Variants in MAGI2 observed in about 807,000 individuals in gnomAD.
MAGI2 encodes membrane associated guanylate kinase, WW and PDZ domain containing 2.
In MAGI2, 35 loss-of-function variants were observed where a neutral mutation model predicts 133.3. That is an observed-to-expected ratio of 0.26 (90% CI 0.20 to 0.35). MAGI2 has a LOEUF of 0.35. MAGI2 is among the 10% of genes least tolerant of loss of function. MAGI2 has a pLI of 1.00. For synonymous variants in MAGI2, 729 were observed against 710.6 expected (o/e 1.03, Z -0.41); for missense variants, 1,636 against 1,863.4 (o/e 0.88, Z 2.25).
chr7:79,334,708 G>T (rs1233390254), intron 1 of MAGI2, among the ~76,000 whole-genome samples: 1 of 152,062 alleles, frequency 6.6e-6, no homozygotes, highest in Non-Finnish European at 1.5e-5. Flanking sequence ...GAGCTTAGTT[G>T]ACAATTTAAA....
intron 2 of MAGI2, among the ~76,000 whole-genome samples, chr7:78,748,013 A>G (rs557818953): frequency 6.6e-6 from 1 of 152,172 alleles, no homozygotes; most frequent in Non-Finnish European, 1.5e-5. Flanking sequence ...TTCACTTAAC[A>G]CTTTGAGCAT....
Position 78,675,962 on chromosome 7 carries a change from T to C in MAGI2, c.419-48723A>G, listed in dbSNP as rs80280417. On this transcript the variant is annotated intron_variant, in intron 2 of 21. Transcript: ENST00000354212. Reference sequence around the variant, plus strand: ...TACAGACCACATTGTGTCTTATGAATCAAGAATATGGTATATCCTAAAACA... The same window carrying C: ...TACAGACCACATTGTGTCTTATGAACCAAGAATATGGTATATCCTAAAACA... 6.9e-3 allele frequency among the ~76,000 whole-genome samples: 1,043 copies of C among 152,208 alleles called. 11 individuals are homozygous for C. The highest frequency in any genetic ancestry group is 0.024 in the African/African-American group (1,009 of 41,552).
At chr7:78,387,366 G>A (rs1466257828) in intron 6 of MAGI2, among the ~76,000 whole-genome samples, 1 of 152,130 alleles carries the variant, frequency 6.6e-6, no homozygotes, top group Non-Finnish European at 1.5e-5. Flanking sequence ...CAAACAGCAG[G>A]CAGACCACAG....
At chr7:78,292,763 C>A (rs1422402896) in intron 9 of MAGI2, among the ~76,000 whole-genome samples, 1 of 152,014 alleles carries the variant, frequency 6.6e-6, no homozygotes, top group Non-Finnish European at 1.5e-5. Context: ...AGAACAGAGC[C>A]CCTGGAAATA....
intron 2 of MAGI2, among the ~76,000 whole-genome samples, chr7:78,637,821 C>T (rs1809840747): frequency 6.6e-6 from 1 of 152,108 alleles, no homozygotes; most frequent in Non-Finnish European, 1.5e-5. Context: ...TTGAACTCAG[C>T]CAGGTGTGGT....
intron 2 of MAGI2, among the ~76,000 whole-genome samples, chr7:78,815,822 T>G (rs1789527382): frequency 6.6e-6 from 1 of 152,276 alleles, no homozygotes; most frequent in Non-Finnish European, 1.5e-5. Flanking sequence ...TTGTGTGTCT[T>G]TATTCTCTAA....
intron 1 of MAGI2, among the ~76,000 whole-genome samples, chr7:79,204,175 T>G (rs1828845331): frequency 6.6e-6 from 1 of 152,080 alleles, no homozygotes; most frequent in Non-Finnish European, 1.5e-5. Context: ...TAGGTACCCA[T>G]GGCCTCATAT....
At chr7:78,063,579 G>A (rs1406879264) in intron 21 of MAGI2, among the ~76,000 whole-genome samples, 2 of 151,990 alleles carry the variant, frequency 1.3e-5, no homozygotes, top group African/African-American at 4.8e-5. Context: ...TTTCATTTTG[G>A]CTATCCCCCT....
chr7:79,049,405 A>G (rs1260388082), intron 1 of MAGI2, among the ~76,000 whole-genome samples: 1 of 152,188 alleles, frequency 6.6e-6, no homozygotes, highest in Non-Finnish European at 1.5e-5. Context: ...GGAAATATTC[A>G]GGGAACTCTA....
intron 6 of MAGI2, among the ~76,000 whole-genome samples, chr7:78,408,034 C>T (rs1457982612): frequency 2.0e-5 from 3 of 152,216 alleles, no homozygotes; most frequent in Non-Finnish European, 2.9e-5. Context: ...CCTTAAAATG[C>T]AGACCATTCC....
intron 9 of MAGI2, among the ~76,000 whole-genome samples, chr7:78,322,247 A>G (rs1398445902): frequency 6.6e-6 from 1 of 152,190 alleles, no homozygotes; most frequent in Non-Finnish European, 1.5e-5. Flanking sequence ...TTGACCCAGC[A>G]ATCTCATCAT....
intron 21 of MAGI2, among the ~76,000 whole-genome samples, chr7:78,041,261 G>C (rs1408081802): frequency 6.6e-6 from 1 of 152,156 alleles, no homozygotes; most frequent in Non-Finnish European, 1.5e-5. Context: ...ACACAGAAAG[G>C]ATTCTTTCAA....
intron 9 of MAGI2, among the ~76,000 whole-genome samples, chr7:78,306,953 C>G (rs2151086079): frequency 6.6e-6 from 1 of 152,230 alleles, no homozygotes; most frequent in South Asian, 2.1e-4. Context: ...ATGTCCAATT[C>G]AGGTTTAAAC....
intron 2 of MAGI2, among the ~76,000 whole-genome samples, chr7:78,651,599 A>G (rs1811579480): frequency 6.6e-6 from 1 of 152,166 alleles, no homozygotes; most frequent in Admixed American, 6.6e-5. Context: ...TGATAATCAG[A>G]TATCAAAGAA....
At chr7:78,198,004 G>A (rs78144018) in intron 11 of MAGI2, 2,499 of 152,608 alleles carry the variant, frequency 0.016, 79 homozygotes, top group African/African-American at 0.057. Context: ...CTTTCTACCT[G>A]GGATACTCAC....
intron 9 of MAGI2, among the ~76,000 whole-genome samples, chr7:78,306,966 G>A (rs1798289404): frequency 6.6e-6 from 1 of 152,074 alleles, no homozygotes; most frequent in Admixed American, 6.6e-5. Context: ...GTTTAAACAT[G>A]TTAAACCATC....
intron 2 of MAGI2, among the ~76,000 whole-genome samples, chr7:78,975,269 C>G (rs1174851755): frequency 6.6e-6 from 1 of 151,632 alleles, no homozygotes; most frequent in African/African-American, 2.4e-5. Flanking sequence ...CAAGATAGAC[C>G]ACATTGTGGG....
intron 1 of MAGI2, among the ~76,000 whole-genome samples, chr7:79,375,761 G>C (rs1403954911): frequency 6.6e-6 from 1 of 151,856 alleles, no homozygotes; most frequent in Non-Finnish European, 1.5e-5. Flanking sequence ...ATATCATATG[G>C]GAAGAGGCCA....
At chr7:78,571,109 T>C (rs1305597172) in intron 3 of MAGI2, among the ~76,000 whole-genome samples, 1 of 152,224 alleles carries the variant, frequency 6.6e-6, no homozygotes, top group African/African-American at 2.4e-5. Flanking sequence ...CATGTTGATT[T>C]AGTTTAAATA....
Sources: allele counts gnomAD v4.1 joint callset (sites outside exome capture counted in the v4.1 genomes callset), GRCh38; gene constraint gnomAD v4.1.1; transcripts MANE v1.5; gene names NCBI Gene and HGNC (gene_info 2026-07-23, HGNC 2026-07-21).